Variants in FABP12 observed in about 807,000 individuals in gnomAD.
The protein encoded by FABP12 is fatty acid-binding protein 12.
FABP12 carries 19 observed loss-of-function variants against 13.7 expected under a neutral mutation model. The observed-to-expected ratio is 1.39, with a 90% CI of 0.97 to 2.04. The LOEUF (loss-of-function observed/expected upper bound fraction) is 2.04. Among genes scored for constraint, FABP12 ranks in the 30% most tolerant of loss-of-function variants. The pLI is 0.00. For synonymous variants in FABP12, 61 were observed against 57.0 expected, an observed-to-expected ratio of 1.07 and a Z score of -0.32; for missense variants, 182 against 164.2, an observed-to-expected ratio of 1.11 and a Z score of -0.59.
At chr8:81,545,658 C>T (rs937598927) in intron 1 of FABP12, among the ~76,000 whole-genome samples, 1 of 152,100 alleles carries the variant, frequency 6.6e-6, no homozygotes, top group African/African-American at 2.4e-5. Context: ...AGGATGACCC[C>T]GATTATTTCT....
intron 1 of FABP12, among the ~76,000 whole-genome samples, chr8:81,542,166 T>C (rs1350243138): frequency 1.3e-5 from 2 of 152,114 alleles, no homozygotes; most frequent in African/African-American, 4.8e-5. Context: ...AAAGGGAAAC[T>C]TCCCGGGAGC....
rs192256948 is a variant in FABP12 at position 81,551,583 on chromosome 8, A to T, written c.-184-11840T>A. On this transcript the variant is annotated intron_variant, in intron 1 of 5. Transcript: ENST00000692030. ...GTGTGGGTTTGAAATGCATCTAAAG[A>T]CTGAATCTTGTGACACAAAGTCTAG... is the stretch of plus-strand genomic sequence containing the variant. 2.0e-5 allele frequency among the ~76,000 whole-genome samples: 3 copies of T among 152,322 alleles called. No individual in the cohort carries two copies. In the East Asian group the frequency reaches 5.8e-4, roughly 29 times the overall value.
intron 1 of FABP12, among the ~76,000 whole-genome samples, chr8:81,572,813 C>T (rs2556580): frequency 0.95 from 144,826 of 152,224 alleles, 68,930 homozygotes; most frequent in East Asian, 1. Flanking sequence ...GTTTTTTTCT[C>T]ACTGATTTTT....
intron 1 of FABP12, among the ~76,000 whole-genome samples, chr8:81,554,311 G>A (rs1205784808): frequency 6.6e-6 from 1 of 152,122 alleles, no homozygotes. Flanking sequence ...GCAAAGCTCT[G>A]TACTAGATGC....
At chr8:81,555,374 A>G (rs1809594628) in intron 1 of FABP12, among the ~76,000 whole-genome samples, 1 of 152,242 alleles carries the variant, frequency 6.6e-6, no homozygotes, top group South Asian at 2.1e-4. Context: ...AGAGTTTAGA[A>G]AATCTAACTT....
At chr8:81,559,822 T>C (rs569453766) in intron 1 of FABP12, among the ~76,000 whole-genome samples, 11 of 152,304 alleles carry the variant, frequency 7.2e-5, no homozygotes, top group East Asian at 1.9e-4. Context: ...GTCTACAGGA[T>C]GAAGTGATCA....
rs1294712050 is a variant in FABP12, at chr8:81,579,066, G to T, written c.-185+10987C>A. Among the ~76,000 whole-genome samples, 4 of 151,300 alleles carry T rather than the reference G, an allele frequency of 2.6e-5. No homozygotes were observed. The East Asian group carries it at 5.8e-4, about 22-fold the overall frequency. On this transcript the variant is annotated intron_variant, in intron 1 of 5. Coordinates refer to the FABP12 transcript ENST00000692030. ...GATAGTCTCGATCTCCTGACCTCGT[G>T]ATCCACCCGCCTCTGCCTCCCAAAG... is the stretch of plus-strand genomic sequence containing the variant.
intron 1 of FABP12, among the ~76,000 whole-genome samples, chr8:81,565,725 GA>G (rs1394325938): frequency 2.6e-5 from 4 of 151,766 alleles, no homozygotes; most frequent in Non-Finnish European, 5.9e-5. Context: ...CAAAACAGAA[GA>G]AAAACTTCAA....
chr8:81,574,577 G>A (rs892130146), intron 1 of FABP12, among the ~76,000 whole-genome samples: 3 of 151,962 alleles, frequency 2.0e-5, no homozygotes, highest in Admixed American at 6.6e-5. Context: ...GAATCATCTG[G>A]TCCTGGATTT....
rs1438848360 is a variant in FABP12 at position 81,529,613 on chromosome 8, G to A, written c.74-3C>T. 8 of 1,609,976 alleles carry A rather than the reference G, an allele frequency of 5.0e-6. No individual in the cohort carries two copies. Among genetic ancestry groups the A allele is most frequent in the African/African-American group, 1.3e-5 (1 of 74,518 alleles). On this transcript the variant is annotated splice_region_variant and splice_polypyrimidine_tract_variant and intron_variant, in intron 2 of 4. Coordinates refer to ENST00000360464, the Ensembl canonical transcript of FABP12. ...TTTCCTGCTGGCTCTTCCTATACCT[G>A]GAAACCAGATAAAAGGAGTATTATC...
upstream of FABP12, among the ~76,000 whole-genome samples, chr8:81,537,904 G>C (rs766474976): frequency 3.0e-4 from 45 of 152,226 alleles, no homozygotes; most frequent in Non-Finnish European, 4.7e-4. Context: ...AATTGTGTTT[G>C]ACCATTTTTG....
At chr8:81,530,231 G>A (rs1443754727) in intron 2 of FABP12, among the ~76,000 whole-genome samples, 2 of 152,116 alleles carry the variant, frequency 1.3e-5, no homozygotes, top group East Asian at 3.9e-4. Flanking sequence ...TTTTCAACTT[G>A]CTTTTTCCCC....
In FABP12 at chr8:81,525,209, C is replaced by A. The variant is rs187549760; in HGVS notation, c.349-89G>T. 44 of 843,084 alleles carry A rather than the reference C, an allele frequency of 5.2e-5. No homozygotes were observed. The East Asian group carries it at 1.2e-3, about 23-fold the overall frequency. The allele number at this position is 843,084 out of a possible 1,614,324, so 52.2% of individuals were successfully genotyped here. ...GCAAACTAAGTACTATCCACACATA[C>A]ATTCCTTAAAAATATTGAAAGAGAG... is the stretch of plus-strand genomic sequence containing the variant. On this transcript the variant is annotated intron_variant, in intron 4 of 4. Coordinates refer to ENST00000360464, the Ensembl canonical transcript of FABP12.
intron 1 of FABP12, among the ~76,000 whole-genome samples, chr8:81,558,499 C>T (rs1563551873): frequency 6.6e-6 from 1 of 152,144 alleles, no homozygotes; most frequent in African/African-American, 2.4e-5. Context: ...CTGCCGCAGT[C>T]CCTGAGCCTG....
upstream of FABP12, among the ~76,000 whole-genome samples, chr8:81,535,708 G>A (rs893895599): frequency 6.6e-6 from 1 of 152,244 alleles, no homozygotes; most frequent in Admixed American, 6.5e-5. Flanking sequence ...TCAAGTAAAC[G>A]ATAACAGATC....
At chr8:81,551,017 C>T (rs73277228) in intron 1 of FABP12, among the ~76,000 whole-genome samples, 3,222 of 152,218 alleles carry the variant, frequency 0.021, 96 homozygotes, top group African/African-American at 0.074. Context: ...AAAATGGATT[C>T]CCCCATAGGG....
chr8:81,558,658 G>A (rs1007053994), intron 1 of FABP12, among the ~76,000 whole-genome samples: 4 of 152,086 alleles, frequency 2.6e-5, no homozygotes, highest in South Asian at 2.1e-4. Context: ...TTGGGAGGCC[G>A]AGGCGGGCAG....
intron 1 of FABP12, among the ~76,000 whole-genome samples, chr8:81,558,956 C>G (rs937097781): frequency 4.0e-5 from 6 of 151,120 alleles, no homozygotes; most frequent in African/African-American, 1.5e-4. Flanking sequence ...GAAGGAGGAC[C>G]TACTAGTGAC....
chr8:81,558,983 G>T (rs1321332068), intron 1 of FABP12, among the ~76,000 whole-genome samples: 1 of 151,456 alleles, frequency 6.6e-6, no homozygotes, highest in Non-Finnish European at 1.5e-5. Context: ...CTCTTTCTAA[G>T]GTCCTGGCAA....
Sources: allele counts gnomAD v4.1 joint callset (sites outside exome capture counted in the v4.1 genomes callset), GRCh38; gene constraint gnomAD v4.1.1; transcripts MANE v1.5; gene names NCBI Gene and HGNC (gene_info 2026-07-23, HGNC 2026-07-21).